Variants in MCPH1 observed in about 807,000 individuals in gnomAD.
MCPH1 encodes microcephalin 1.
In MCPH1, 104 loss-of-function variants were observed where a neutral mutation model predicts 84.5. That is an observed-to-expected ratio of 1.23 (90% CI 1.05 to 1.45). The LOEUF is 1.45. Ranked by LOEUF, MCPH1 falls within the 40% of genes most tolerant of loss-of-function variation. The pLI is 0.00. For synonymous variants in MCPH1, 514 were observed against 366.8 expected (o/e 1.40, Z -4.58); for missense variants, 1,498 against 1,005.7 (o/e 1.49, Z -6.62).
At chr8:6,547,650 C>G (rs1374436446) in intron 12 of MCPH1, among the ~76,000 whole-genome samples, 1 of 152,018 alleles carries the variant, frequency 6.6e-6, no homozygotes. Context: ...CAGTGAGTGC[C>G]TTTGAGTGAC....
intron 3 of MCPH1, among the ~76,000 whole-genome samples, chr8:6,417,596 G>A (rs1799501007): frequency 6.6e-6 from 1 of 151,376 alleles, no homozygotes; most frequent in South Asian, 2.1e-4. Flanking sequence ...CTGCTACTTA[G>A]TACCTTTATT....
chr8:6,620,255 A>T (rs1453612038), intron 12 of MCPH1: 1 of 152,220 alleles, frequency 6.6e-6, no homozygotes, highest in Non-Finnish European at 1.5e-5. Flanking sequence ...GGAGAGAACA[A>T]GCAAATTCCA....
chr8:6,466,584 G>A (rs993678017), intron 9 of MCPH1, among the ~76,000 whole-genome samples: 1 of 152,200 alleles, frequency 6.6e-6, no homozygotes, highest in African/African-American at 2.4e-5. Flanking sequence ...TGGGATTACA[G>A]GCATGAGCCA....
chr8:6,442,186 T>G, intron 7 of MCPH1, 30 bp downstream of exon 7: 1 of 1,392,944 alleles, frequency 7.2e-7, no homozygotes, highest in Non-Finnish European at 1.0e-6. Flanking sequence ...TTCTGTGATA[T>G]GTTTAAGTTT....
intron 8 of MCPH1, chr8:6,446,145 C>T: frequency 9.8e-6 from 9 of 916,606 alleles, no homozygotes; most frequent in Non-Finnish European, 1.0e-5. Flanking sequence ...TGAAGCATCA[C>T]TTGAAAAGGT....
At chr8:6,554,039 C>T (rs1824153414) in intron 12 of MCPH1, among the ~76,000 whole-genome samples, 1 of 151,104 alleles carries the variant, frequency 6.6e-6, no homozygotes, top group African/African-American at 2.4e-5. Context: ...CTGAAATTTG[C>T]CGGAACAGTC....
At chr8:6,499,066 TTAAATAAATAAATAAA>T (rs150879047) in intron 11 of MCPH1, among the ~76,000 whole-genome samples, 1 of 148,088 alleles carries the variant, frequency 6.8e-6, no homozygotes, top group Non-Finnish European at 1.5e-5. Flanking sequence ...AATAAATAAA[TTAAATAAATAAATAAA>T]TAAATAAATA....
At chr8:6,420,847 T>C (rs1800080678) in intron 3 of MCPH1, among the ~76,000 whole-genome samples, 1 of 152,096 alleles carries the variant, frequency 6.6e-6, no homozygotes, top group Admixed American at 6.5e-5. Flanking sequence ...TCTTGCTTCC[T>C]CAAAAGAAAG....
chr8:6,499,849 C>G lies in MCPH1; in HGVS notation c.2137-3C>G. ...ATAAATCTGCTTGTTGTGTCACTTG[C>G]AGGTGCTATGGTCTTTAGAATTGGG... On this transcript the variant is annotated splice_polypyrimidine_tract_variant and splice_region_variant and intron_variant, in intron 11 of 13. Transcript: ENST00000344683. 6.2e-7 allele frequency: 1 copy of G among 1,612,496 alleles called. No homozygotes were observed. The highest frequency in any genetic ancestry group is 8.5e-7 in the Non-Finnish European group (1 of 1,179,532).
intron 12 of MCPH1, among the ~76,000 whole-genome samples, chr8:6,522,092 A>G (rs1817459535): frequency 1.3e-5 from 2 of 152,224 alleles, no homozygotes; most frequent in Admixed American, 1.3e-4. Flanking sequence ...GCAGTGGCTC[A>G]CGCTTGTAAT....
intron 12 of MCPH1, among the ~76,000 whole-genome samples, chr8:6,531,118 C>T (rs540003118): frequency 2.0e-5 from 3 of 151,992 alleles, no homozygotes; most frequent in Admixed American, 1.3e-4. Context: ...ACGACCACGG[C>T]CTTGAGCTTG....
At chr8:6,430,065 C>T (rs1801618975) in intron 3 of MCPH1, among the ~76,000 whole-genome samples, 1 of 152,200 alleles carries the variant, frequency 6.6e-6, no homozygotes, top group African/African-American at 2.4e-5. Context: ...GCTCTGCTTC[C>T]AGATGGAAGA....
Position 6,439,059 on chromosome 8 carries a change from A to T in MCPH1, c.543A>T (p.Gln181His). The change falls in exon 6 of 14, where the codon CAA becomes CAT. Residue 181 changes from glutamine (Q) to histidine (H), a missense_variant. Physicochemically the swap from Gln to His is conservative, Grantham distance 24. Transcript: ENST00000344683. The part of the protein sequence containing the change: ...RHHSAMEKRL[Q>H]EMKEKRENLS... The stretch of plus-strand genomic sequence containing the variant: ...ACAGCGCAATGGAGAAGAGATTACA[A>T]GAGATGAAGGAGAAAAGGGAAAATC... 6.2e-7 allele frequency: 1 copy of T among 1,613,628 alleles called. No individual in the cohort carries two copies. The highest frequency in any genetic ancestry group is 1.1e-5 in the South Asian group (1 of 91,072).
intron 12 of MCPH1, among the ~76,000 whole-genome samples, chr8:6,513,169 C>A (rs891936773): frequency 6.6e-6 from 1 of 152,142 alleles, no homozygotes; most frequent in African/African-American, 2.4e-5. Flanking sequence ...GGACAAAATA[C>A]TGTTTGTATG....
chr8:6,486,262 ATCTC>A (rs56247663), intron 11 of MCPH1, among the ~76,000 whole-genome samples: 2,863 of 146,302 alleles, frequency 0.02, 36 homozygotes, highest in African/African-American at 0.042. Context: ...TGTACAAGGA[ATCTC>A]TCTCTCTCTC....
chr8:6,450,561 A>T (rs1804976174), intron 8 of MCPH1, among the ~76,000 whole-genome samples: 1 of 150,416 alleles, frequency 6.6e-6, no homozygotes, highest in African/African-American at 2.5e-5. Flanking sequence ...TTCCCCTGCA[A>T]TATTTAAGCC....
chr8:6,578,176 T>C (rs1272842897), intron 12 of MCPH1, among the ~76,000 whole-genome samples: 2 of 152,232 alleles, frequency 1.3e-5, no homozygotes, highest in African/African-American at 2.4e-5. Context: ...ATGAGAGGAA[T>C]AAGCTCCAGC....
chr8:6,497,278 C>T (rs868789036), intron 11 of MCPH1, among the ~76,000 whole-genome samples: 1 of 150,778 alleles, frequency 6.6e-6, no homozygotes, highest in Admixed American at 6.6e-5. Flanking sequence ...GTCATGAGTT[C>T]GTGACCAGCC....
intron 11 of MCPH1, among the ~76,000 whole-genome samples, chr8:6,498,120 A>C (rs941189904): frequency 6.6e-6 from 1 of 152,254 alleles, no homozygotes; most frequent in African/African-American, 2.4e-5. Context: ...TGGTTTTATG[A>C]ATGATAATAT....
Sources: allele counts gnomAD v4.1 joint callset (sites outside exome capture counted in the v4.1 genomes callset), GRCh38; gene constraint gnomAD v4.1.1; transcripts MANE v1.5; gene names NCBI Gene and HGNC (gene_info 2026-07-23, HGNC 2026-07-21).